DCC: variants seen among roughly 807,000 people sequenced by gnomAD.
The protein encoded by DCC is netrin receptor DCC.
DCC carries 58 observed loss-of-function variants against 172.5 expected under a neutral mutation model. The ratio of observed to expected loss-of-function variants is 0.34; its 90% CI spans 0.27 to 0.42. The LOEUF (loss-of-function observed/expected upper bound fraction) is 0.42. Ranked by LOEUF, DCC falls within the 10% of genes least tolerant of loss-of-function variation. DCC has a pLI of 1.00. For synonymous variants in DCC, 709 were observed against 644.5 expected, an observed-to-expected ratio of 1.10 and a Z score of -1.52; for missense variants, 1,740 against 1,791.0, an observed-to-expected ratio of 0.97 and a Z score of 0.51.
intron 1 of DCC, among the ~76,000 whole-genome samples, chr18:52,416,206 G>T (rs1400268176): frequency 6.6e-6 from 1 of 152,114 alleles, no homozygotes; most frequent in African/African-American, 2.4e-5. Context: ...TTAATCCTGA[G>T]TTCTAGTTTG....
At chr18:52,853,894 G>A (rs1371811018) in intron 2 of DCC, among the ~76,000 whole-genome samples, 1 of 152,190 alleles carries the variant, frequency 6.6e-6, no homozygotes, top group Non-Finnish European at 1.5e-5. Context: ...TCAGGGTTTT[G>A]TGTAAATGAG....
At chr18:52,443,406 T>G (rs1337289233) in intron 1 of DCC, among the ~76,000 whole-genome samples, 1 of 151,246 alleles carries the variant, frequency 6.6e-6, no homozygotes, top group African/African-American at 2.4e-5. Context: ...AAGTGATATT[T>G]GTAAGAAGGT....
intron 1 of DCC, among the ~76,000 whole-genome samples, chr18:52,511,621 T>A (rs1306061484): frequency 6.6e-6 from 1 of 152,130 alleles, no homozygotes; most frequent in African/African-American, 2.4e-5. Flanking sequence ...CCTCCTACAA[T>A]GCACAAGACA....
chr18:52,861,011 CAAAAAA>C (rs74178687), intron 2 of DCC, among the ~76,000 whole-genome samples: 9 of 120,950 alleles, frequency 7.4e-5, no homozygotes, highest in African/African-American at 1.9e-4. Context: ...GAATCCATTT[CAAAAAA>C]AAAAAAAAAA....
chr18:53,301,251 G>A (rs755998058), intron 12 of DCC, among the ~76,000 whole-genome samples: 1 of 151,544 alleles, frequency 6.6e-6, no homozygotes, highest in Non-Finnish European at 1.5e-5. Flanking sequence ...TACCACGCCT[G>A]GCTAATTTTG....
rs2035593881 is a variant in DCC at position 52,673,588 on chromosome 18, A to T, written c.92-78466A>T. ...TGTTTGCCAAGTTTCTTCACTATAA[A>T]TTTTTTCCCTCCTTTTTTCTTGGAA... On this transcript the variant is annotated intron_variant, in intron 1 of 28. Coordinates refer to ENST00000442544, the MANE Select transcript of DCC (RefSeq NM_005215.4). Among the ~76,000 whole-genome samples the T allele has an allele frequency of 3.9e-5, 6 of 152,072 alleles. No individual in the cohort carries two copies. The South Asian group carries it at 1.2e-3, about 32-fold the overall frequency.
chr18:53,478,269 T>C (rs1180039661), intron 25 of DCC, among the ~76,000 whole-genome samples: 1 of 152,184 alleles, frequency 6.6e-6, no homozygotes, highest in African/African-American at 2.4e-5. Flanking sequence ...AGAAGTGGGG[T>C]GTGGCCTTGG....
intron 5 of DCC, among the ~76,000 whole-genome samples, chr18:52,929,612 T>C (rs2040272841): frequency 6.6e-6 from 1 of 152,112 alleles, no homozygotes; most frequent in Non-Finnish European, 1.5e-5. Context: ...AAAAGTGTAC[T>C]CAATATCGGG....
chr18:53,019,344 C>G (rs2041848452), intron 5 of DCC, among the ~76,000 whole-genome samples: 1 of 152,000 alleles, frequency 6.6e-6, no homozygotes, highest in African/African-American at 2.4e-5. Context: ...TTGGAACTAC[C>G]CCTGTTACTT....
intron 1 of DCC, among the ~76,000 whole-genome samples, chr18:52,387,976 G>A (rs1419838872): frequency 3.3e-5 from 5 of 152,026 alleles, no homozygotes; most frequent in Non-Finnish European, 5.9e-5. Context: ...TGACAACCCT[G>A]GAGGGTGTTC....
chr18:52,374,902 C>A (rs1714015899), intron 1 of DCC, among the ~76,000 whole-genome samples: 1 of 152,162 alleles, frequency 6.6e-6, no homozygotes, highest in African/African-American at 2.4e-5. Context: ...AAATGTGTTA[C>A]ACTCCTTTTT....
intron 1 of DCC, among the ~76,000 whole-genome samples, chr18:52,743,866 C>T (rs1355846659): frequency 2.0e-5 from 3 of 152,196 alleles, no homozygotes; most frequent in East Asian, 1.9e-4. Context: ...AAGAGCAAAT[C>T]GGTTCAGCAC....
intron 12 of DCC, among the ~76,000 whole-genome samples, chr18:53,288,768 G>T (rs2144744173): frequency 6.6e-6 from 1 of 152,166 alleles, no homozygotes; most frequent in East Asian, 1.9e-4. Context: ...GGAATAAGTT[G>T]GGAATATTTT....
At chr18:52,922,547 A>G (rs1343834549) in intron 3 of DCC, among the ~76,000 whole-genome samples, 1 of 152,144 alleles carries the variant, frequency 6.6e-6, no homozygotes, top group Non-Finnish European at 1.5e-5. Flanking sequence ...TTTTGCTTTG[A>G]GTCTGCAAAA....
chr18:53,520,214 AAT>A (rs2144589416), intron 27 of DCC, among the ~76,000 whole-genome samples: 1 of 152,196 alleles, frequency 6.6e-6, no homozygotes, highest in East Asian at 1.9e-4. Context: ...GGTTAGGACA[AAT>A]AGTCACCCGA....
chr18:52,761,289 A>G (rs561386739), intron 2 of DCC, among the ~76,000 whole-genome samples: 1 of 152,352 alleles, frequency 6.6e-6, no homozygotes, highest in East Asian at 1.9e-4. Flanking sequence ...ACCTGCCTCC[A>G]TGATTCAATT....
intron 25 of DCC, among the ~76,000 whole-genome samples, chr18:53,486,501 T>G (rs2045901388): frequency 6.6e-6 from 1 of 152,182 alleles, no homozygotes; most frequent in African/African-American, 2.4e-5. Flanking sequence ...ACAAACAACA[T>G]GACCGACATA....
chr18:53,037,658 G>T (rs1277372363), intron 5 of DCC, among the ~76,000 whole-genome samples: 1 of 151,922 alleles, frequency 6.6e-6, no homozygotes, highest in Non-Finnish European at 1.5e-5. Context: ...GGTAGCAACA[G>T]AAATAAGCTT....
chr18:53,300,958 A>ATTCTCTTTCTTTCTTTCTTTCT (rs1436953257), intron 12 of DCC, among the ~76,000 whole-genome samples: 1 of 81,696 alleles, frequency 1.2e-5, no homozygotes, highest in Admixed American at 1.1e-4. Flanking sequence ...TTGGTTCTGG[A>ATTCTCTTTCTTTCTTTCTTTCT]TTCATTCTTT....
Sources: allele counts gnomAD v4.1 joint callset (sites outside exome capture counted in the v4.1 genomes callset), GRCh38; gene constraint gnomAD v4.1.1; transcripts MANE v1.5; gene names NCBI Gene and HGNC (gene_info 2026-07-23, HGNC 2026-07-21).